The following CGRRF1 variants were observed in gnomAD, a reference collection of about 807,000 sequenced individuals.
CGRRF1 encodes the protein cell growth regulator with ring finger domain 1, also known as cell growth regulator with RING finger domain protein 1.
CGRRF1 carries 32 observed loss-of-function variants against 37.2 expected under a neutral mutation model. The ratio of observed to expected loss-of-function variants is 0.86; its 90% CI spans 0.65 to 1.16. The LOEUF (loss-of-function observed/expected upper bound fraction) is 1.16, where lower values mean the gene tolerates loss of function less well. Ranked by LOEUF, CGRRF1 falls within the 50% of genes most tolerant of loss-of-function variation. CGRRF1 has a pLI of 0.00. For synonymous variants in CGRRF1, 141 were observed against 140.3 expected, an observed-to-expected ratio of 1.00 and a Z score of -0.04; for missense variants, 391 against 382.6, an observed-to-expected ratio of 1.02 and a Z score of -0.18.
Position 54,535,393 on chromosome 14 carries a change from A to ACACACACACACC in CGRRF1, c.571-2328_571-2327insACACACACACCC, listed in dbSNP as rs1252336754. ...CACACACACACACACACACACACAC[A>ACACACACACACC]CTTTTTGTAAATTAAAACATTCTCA... On this transcript the variant is annotated intron_variant, in intron 4 of 5. Coordinates refer to ENST00000216420, the MANE Select transcript of CGRRF1 (RefSeq NM_006568.3). Among the ~76,000 whole-genome samples, 90 of 150,954 alleles carry ACACACACACACC rather than the reference A, an allele frequency of 6.0e-4. 1 individual carries two copies. Among genetic ancestry groups the ACACACACACACC allele is most frequent in the African/African-American group, 2.2e-3 (90 of 41,142 alleles).
At chr14:54,510,352 A>G (rs954502115) in intron 1 of CGRRF1, 5 of 440,472 alleles carry the variant, frequency 1.1e-5, no homozygotes, top group East Asian at 4.7e-5. Flanking sequence ...GCAGCCAGGA[A>G]GGGCTTGGGC....
chr14:54,515,062 T>C (rs750156693), intron 1 of CGRRF1, among the ~76,000 whole-genome samples: 3 of 151,604 alleles, frequency 2.0e-5, no homozygotes, highest in Non-Finnish European at 4.4e-5. Flanking sequence ...AAATAATATA[T>C]ATTCTGCTAT....
chr14:54,524,122 A>T (rs1304724695), intron 2 of CGRRF1, among the ~76,000 whole-genome samples: 1 of 152,016 alleles, frequency 6.6e-6, no homozygotes. Context: ...ACTAATTACG[A>T]CTTCTGCCCT....
chr14:54,528,714 T>G (rs576447186), intron 2 of CGRRF1, among the ~76,000 whole-genome samples: 1 of 152,304 alleles, frequency 6.6e-6, no homozygotes, highest in Non-Finnish European at 1.5e-5. Flanking sequence ...AATGGAATTT[T>G]TCATTCTTGA....
At position 54,539,223 on chromosome 14, in the gene CGRRF1, GAAAC is replaced by G. The variant is rs2032652538; in HGVS notation, c.*844_*847del. The G allele has an allele frequency of 6.6e-6, 1 of 152,082 alleles. No individual in the cohort carries two copies. The highest frequency in any genetic ancestry group is 1.5e-5 in the Non-Finnish European group (1 of 67,992). The allele number at this position is 152,082 out of a possible 1,614,324, so 9.4% of individuals were successfully genotyped here. A position where few individuals can be genotyped will look rare whatever the true frequency, so the allele number is the denominator to read the frequency against. ...TATAGAGCTAGAAAAATCACTAAAA[GAAAC>G]AAATAACTATTTTTTTCTAGTGTAT... is the stretch of plus-strand genomic sequence containing the variant. On this transcript the variant is annotated 3_prime_UTR_variant, in exon 6 of 6. Transcript: ENST00000216420.
chr14:54,513,598 T>A (rs138762334), intron 1 of CGRRF1, among the ~76,000 whole-genome samples: 34 of 137,734 alleles, frequency 2.5e-4, no homozygotes, highest in African/African-American at 7.5e-4. Context: ...TATGTTATGT[T>A]ATGTTATGTT....
In CGRRF1 at chr14:54,537,824, C is replaced by G. The variant is rs374420600; in HGVS notation, c.673C>G (p.Leu225Val). Residue 225 changes from leucine (L) to valine (V), a missense_variant, in exon 5 of 6, where the codon CTT becomes GTT. Leu to Val is a conservative substitution (Grantham distance 32). Transcript: ENST00000216420. ...CTTGGCTCAAGGTCAATTTCATGAT[C>G]TTAAGGTAAGCCGTACTCTGTAGTC... The part of the protein sequence containing the change: ...LLLAQGQFHD[L>V]KQLFMSANNN... 5.9e-5 allele frequency: 94 copies of G among 1,601,608 alleles called. No homozygotes were observed. Among genetic ancestry groups the G allele is most frequent in the Non-Finnish European group, 7.6e-5 (90 of 1,177,076 alleles).
intron 1 of CGRRF1, among the ~76,000 whole-genome samples, chr14:54,511,104 G>A (rs1210744553): frequency 6.6e-6 from 1 of 152,220 alleles, no homozygotes; most frequent in African/African-American, 2.4e-5. Context: ...AGTGAATAAA[G>A]AAGGCTACGT....
intron 4 of CGRRF1, chr14:54,536,963 T>G (rs2032610312): frequency 6.6e-6 from 1 of 152,172 alleles, no homozygotes; most frequent in African/African-American, 2.4e-5. Flanking sequence ...GTTTTATTTT[T>G]TACATTTAGA....
chr14:54,520,422 C>T (rs575100918), intron 1 of CGRRF1, among the ~76,000 whole-genome samples: 2 of 152,206 alleles, frequency 1.3e-5, no homozygotes, highest in Admixed American at 1.3e-4. Context: ...TGTGAGCCAC[C>T]GCACCCGGCC....
Position 54,535,393 on chromosome 14 carries a change from A to ACACACACACC in CGRRF1, c.571-2328_571-2327insACACACACCC, listed in dbSNP as rs1252336754. Among the ~76,000 whole-genome samples, 588 of 150,950 alleles carry ACACACACACC rather than the reference A, an allele frequency of 3.9e-3. 3 individuals are homozygous for ACACACACACC. Among genetic ancestry groups the ACACACACACC allele is most frequent in the African/African-American group, 0.014 (572 of 41,138 alleles). ...CACACACACACACACACACACACAC[A>ACACACACACC]CTTTTTGTAAATTAAAACATTCTCA... On this transcript the variant is annotated intron_variant, in intron 4 of 5. Transcript: ENST00000216420.
chr14:54,527,406 A>G (rs1318426538), intron 2 of CGRRF1, among the ~76,000 whole-genome samples: 1 of 152,208 alleles, frequency 6.6e-6, no homozygotes, highest in Non-Finnish European at 1.5e-5. Context: ...GCACATGTAT[A>G]CATATGTAGC....
chr14:54,527,094 T>C (rs2032424867), intron 2 of CGRRF1, among the ~76,000 whole-genome samples: 1 of 152,202 alleles, frequency 6.6e-6, no homozygotes, highest in African/African-American at 2.4e-5. Flanking sequence ...GCTTCACTTA[T>C]TTTGATTCTG....
At position 54,530,917 on chromosome 14, in the gene CGRRF1, G is replaced by T; in HGVS notation, c.437G>T (p.Ser146Ile). The change falls in exon 4 of 6, where the codon AGC (serine) becomes ATC (isoleucine). Residue 146 changes from serine to isoleucine, a missense_variant. Coordinates refer to ENST00000216420, the MANE Select transcript of CGRRF1 (RefSeq NM_006568.3). Reference sequence around the variant, plus strand: ...TTTTCAAAAAGTATTAAAAAGGATAGCAAAGAAGAAATATATTGCCAGTTA... The same window carrying T: ...TTTTCAAAAAGTATTAAAAAGGATATCAAAGAAGAAATATATTGCCAGTTA... ...YQEQYFIKKD[S>I]KEEIYCQLPR... 1.3e-6 allele frequency: 2 copies of T among 1,593,320 alleles called. No individual in the cohort carries two copies. The highest frequency in any genetic ancestry group is 1.7e-6 in the Non-Finnish European group (2 of 1,161,952).
At chr14:54,524,389 T>A (rs373794710) in intron 2 of CGRRF1, among the ~76,000 whole-genome samples, 12,561 of 150,296 alleles carry the variant, frequency 0.084, 584 homozygotes, top group African/African-American at 0.1. Context: ...ATATATGTTT[T>A]TTTTTTTTTT....
intron 4 of CGRRF1, among the ~76,000 whole-genome samples, chr14:54,535,575 G>A (rs2032587985): frequency 6.6e-6 from 1 of 152,032 alleles, no homozygotes; most frequent in Non-Finnish European, 1.5e-5. Flanking sequence ...CTTAGTCAAG[G>A]TGTTATCTAA....
At chr14:54,529,240 G>A (rs1049574737) in intron 2 of CGRRF1, among the ~76,000 whole-genome samples, 5 of 152,192 alleles carry the variant, frequency 3.3e-5, no homozygotes, top group Non-Finnish European at 5.9e-5. Context: ...AAGGCTGGAT[G>A]TTGCTACCCT....
In CGRRF1 at chr14:54,521,815, G is replaced by A. The variant is rs547944992; in HGVS notation, c.105-639G>A. 3.9e-5 allele frequency among the ~76,000 whole-genome samples: 6 copies of A among 152,188 alleles called. No homozygotes were observed. In the East Asian group the frequency reaches 9.7e-4, roughly 25 times the overall value. On this transcript the variant is annotated intron_variant, in intron 1 of 5. Transcript: ENST00000216420. ...AGCCACCACACCCGGCCAATAGTCT[G>A]CCTCTTGAATATATATTTCTTTTTC...
At chr14:54,528,720 C>A (rs957433941) in intron 2 of CGRRF1, among the ~76,000 whole-genome samples, 1 of 152,072 alleles carries the variant, frequency 6.6e-6, no homozygotes, top group Non-Finnish European at 1.5e-5. Flanking sequence ...ATTTTTCATT[C>A]TTGAGTTAAT....
Sources: gnomAD v4.1 joint callset for allele counts (sites outside exome capture counted in the v4.1 genomes callset) on GRCh38, gnomAD v4.1.1 for gene constraint, MANE v1.5 for transcripts, NCBI Gene and HGNC (gene_info 2026-07-23, HGNC 2026-07-21) for gene names.